The following VDAC1 variants were observed in gnomAD, a reference collection of about 807,000 sequenced individuals.
VDAC1 encodes the protein non-selective voltage-gated ion channel VDAC1.
A neutral mutation model predicts 34.7 loss-of-function variants in VDAC1; 10 were observed. That is an observed-to-expected ratio of 0.29 (90% CI 0.18 to 0.49). The LOEUF (loss-of-function observed/expected upper bound fraction) is 0.49, where lower values mean the gene tolerates loss of function less well. Ranked by LOEUF, VDAC1 falls within the 20% of genes least tolerant of loss-of-function variation. The pLI is 0.99. For synonymous variants in VDAC1, 130 were observed against 136.0 expected, an observed-to-expected ratio of 0.96 and a Z score of 0.30; for missense variants, 230 against 347.9, an observed-to-expected ratio of 0.66 and a Z score of 2.69.
chr5:134,038,936 C>T, the VDAC1 span, among the ~76,000 whole-genome samples: 1 of 151,312 alleles, frequency 6.6e-6, no homozygotes, highest in Non-Finnish European at 1.5e-5. Context: ...AAAATGGGCC[C>T]ATAGAGGGCC....
chr5:134,042,525 T>C, the VDAC1 span, among the ~76,000 whole-genome samples: 1 of 152,174 alleles, frequency 6.6e-6, no homozygotes, highest in Non-Finnish European at 1.5e-5. Flanking sequence ...AGTCTTGCTC[T>C]GTCTCTTAGC....
Position 133,991,014 on chromosome 5 carries a change from A to G in VDAC1, c.258T>C (p.Thr86=). 6.2e-7 allele frequency: 1 copy of G among 1,614,172 alleles called. No individual in the cohort carries two copies. Among genetic ancestry groups the G allele is most frequent in the Non-Finnish European group, 8.5e-7 (1 of 1,180,024 alleles). The change falls in exon 4 of 9, where the codon ACT becomes ACC. Residue 86 remains threonine, a synonymous_variant. Coordinates refer to ENST00000265333, the MANE Select transcript of VDAC1 (RefSeq NM_003374.3). ...CAGCAGCCATTACCTGATCTTCCAC[A>G]GTAATCTCGGTGCCTAGTGTATTGT... The part of the protein sequence containing the change: ...NTDNTLGTEI[T]VEDQLARGLK...
rs1753005474 is a variant in VDAC1, at chr5:133,989,069, C to G, written c.323+1786G>C. The G allele has an allele frequency of 1.3e-5, 2 of 152,218 alleles. 1 individual carries two copies. Among genetic ancestry groups the G allele is most frequent in the South Asian group, 4.1e-4 (2 of 4,838 alleles). 9.4% of individuals were successfully genotyped at this position (152,218 alleles called of 1,614,324 possible). On this transcript the variant is annotated intron_variant, in intron 5 of 8. Coordinates refer to ENST00000265333, the MANE Select transcript of VDAC1 (RefSeq NM_003374.3). ...AGTGCTCTTGCAGGAGAAACTACAG[C>G]AGCGAAGAGGAATGAGAGTAAATCA...
At chr5:134,084,406 C>G in the VDAC1 span, among the ~76,000 whole-genome samples, 1 of 152,194 alleles carries the variant, frequency 6.6e-6, no homozygotes, top group African/African-American at 2.4e-5. Context: ...GGTAAGGAGT[C>G]TCAGAGGGCC....
At chr5:134,032,370 T>G in the VDAC1 span, among the ~76,000 whole-genome samples, 2 of 152,112 alleles carry the variant, frequency 1.3e-5, no homozygotes, top group Non-Finnish European at 2.9e-5. Flanking sequence ...GTATGGTAAT[T>G]TGTTACAGCA....
the VDAC1 span, among the ~76,000 whole-genome samples, chr5:134,022,248 C>T: frequency 7.6e-6 from 1 of 130,816 alleles, no homozygotes; most frequent in Non-Finnish European, 1.7e-5. Flanking sequence ...CACCAGCTCC[C>T]TGGGTTGTTG....
intron 1 of VDAC1, among the ~76,000 whole-genome samples, chr5:134,001,732 AAAAGAG>A (rs1400661575): frequency 1.3e-5 from 2 of 151,056 alleles, no homozygotes; most frequent in African/African-American, 4.9e-5. Flanking sequence ...AAAAAAAAAA[AAAAGAG>A]AGAGAGAAAC....
chr5:134,007,060 A>G (rs1206015390), upstream of VDAC1, among the ~76,000 whole-genome samples: 1 of 151,786 alleles, frequency 6.6e-6, no homozygotes, highest in African/African-American at 2.4e-5. Flanking sequence ...CCTTACCAAC[A>G]TGGAGAAACC....
chr5:134,011,070 G>A, the VDAC1 span, among the ~76,000 whole-genome samples: 1 of 151,706 alleles, frequency 6.6e-6, no homozygotes, highest in Non-Finnish European at 1.5e-5. Context: ...TATAGTAGAT[G>A]ATGATTAGTG....
At chr5:134,110,354 GA>G in the VDAC1 span, among the ~76,000 whole-genome samples, 21 of 152,202 alleles carry the variant, frequency 1.4e-4, no homozygotes, top group Admixed American at 1.3e-4. Context: ...TATGAAGAAA[GA>G]ACTGACCCCA....
At chr5:134,009,323 T>C (rs999888771), upstream of VDAC1, among the ~76,000 whole-genome samples, 3 of 149,166 alleles carry the variant, frequency 2.0e-5, no homozygotes, top group Non-Finnish European at 3.0e-5. Flanking sequence ...TGGCATGATC[T>C]TGGCTCACTG....
chr5:134,013,381 G>C, the VDAC1 span, among the ~76,000 whole-genome samples: 1 of 152,280 alleles, frequency 6.6e-6, no homozygotes, highest in African/African-American at 2.4e-5. Flanking sequence ...GCTGCAGTGA[G>C]CTATGATCGC....
At chr5:133,992,099 G>A (rs1753124433) in intron 3 of VDAC1, among the ~76,000 whole-genome samples, 1 of 152,098 alleles carries the variant, frequency 6.6e-6, no homozygotes, top group South Asian at 2.1e-4. Context: ...AGCCGAGCAT[G>A]GTGGCGGGTG....
the VDAC1 span, among the ~76,000 whole-genome samples, chr5:134,023,051 A>G: frequency 6.6e-6 from 1 of 152,192 alleles, no homozygotes; most frequent in African/African-American, 2.4e-5. Context: ...ACTATTTACA[A>G]TAGCAAAGAC....
intron 5 of VDAC1, 92 bp from the exon 6 acceptor site, chr5:133,981,048 A>T: frequency 8.8e-7 from 1 of 1,139,752 alleles, no homozygotes; most frequent in Non-Finnish European, 1.3e-6. Flanking sequence ...GGTCAAATAA[A>T]GGGAGTGGGG....
the VDAC1 span, among the ~76,000 whole-genome samples, chr5:134,042,929 T>G: frequency 6.6e-6 from 1 of 152,344 alleles, no homozygotes; most frequent in Admixed American, 6.5e-5. Flanking sequence ...TGCTCTAGAC[T>G]TCTGGGGTTC....
the VDAC1 span, among the ~76,000 whole-genome samples, chr5:134,063,440 A>C: frequency 1.4e-3 from 217 of 152,258 alleles, no homozygotes; most frequent in South Asian, 3.5e-3. Flanking sequence ...TCCCTCCCAC[A>C]TTGATTCAGT....
chr5:134,112,492 C>T, the VDAC1 span, among the ~76,000 whole-genome samples: 1 of 152,234 alleles, frequency 6.6e-6, no homozygotes, highest in Admixed American at 6.5e-5. Flanking sequence ...CCCACTCTCC[C>T]TACTCACCCA....
the VDAC1 span, among the ~76,000 whole-genome samples, chr5:134,057,589 T>C: frequency 4.0e-5 from 6 of 151,392 alleles, no homozygotes; most frequent in Non-Finnish European, 7.4e-5. Flanking sequence ...CTTGGGAGGC[T>C]GAGGCACAAC....
Sources: gnomAD v4.1 joint callset for allele counts (sites outside exome capture counted in the v4.1 genomes callset) on GRCh38, gnomAD v4.1.1 for gene constraint, MANE v1.5 for transcripts, NCBI Gene and HGNC (gene_info 2026-07-23, HGNC 2026-07-21) for gene names.